CSTF3: variants seen among roughly 807,000 people sequenced by gnomAD.
CSTF3 encodes CF-1 77 kDa subunit.
A neutral mutation model predicts 105.8 loss-of-function variants in CSTF3; 29 were observed. That is an observed-to-expected ratio of 0.27 (90% CI 0.20 to 0.37). CSTF3 has a LOEUF of 0.37. Ranked by LOEUF, CSTF3 falls within the 10% of genes least tolerant of loss-of-function variation. The pLI is 1.00. For missense variants in CSTF3, 357 were observed against 879.3 expected (o/e 0.41, Z 7.51); for synonymous variants, 252 against 281.9 (o/e 0.89, Z 1.06).
rs941737410 is a variant in CSTF3 at position 33,156,791 on chromosome 11, A to C, written c.27+4508T>G. ...AGACCAGCCTGGGAAACACAGTGAG[A>C]CCTCGTCTCTACCTAAATAGTAAAT... On this transcript the variant is annotated intron_variant, in intron 1 of 20. Transcript: ENST00000323959. 6.8e-6 allele frequency: 3 copies of C among 443,314 alleles called. No homozygotes were observed. The Admixed American group carries it at 7.6e-5, about 11-fold the overall frequency. 27.5% of individuals were successfully genotyped at this position (443,314 alleles called of 1,614,324 possible).
intron 16 of CSTF3, among the ~76,000 whole-genome samples, chr11:33,091,826 C>T (rs1855172030): frequency 6.6e-6 from 1 of 152,032 alleles, no homozygotes; most frequent in South Asian, 2.1e-4. Flanking sequence ...CTCCAGCTCC[C>T]ACCTCCGCCT....
chr11:33,098,803 CATAA>C (rs747708748), intron 12 of CSTF3, 39 bp from the exon 13 acceptor site: 2 of 1,377,438 alleles, frequency 1.5e-6, no homozygotes, highest in African/African-American at 1.5e-5. Context: ...AACATATGGT[CATAA>C]ATAAGCAGGA....
At position 33,142,006 on chromosome 11, in the gene CSTF3, G is replaced by A. The variant is rs778665213; in HGVS notation, c.28-20C>T. 2.5e-6 allele frequency: 4 copies of A among 1,613,172 alleles called. No homozygotes were observed. Among genetic ancestry groups the A allele is most frequent in the Admixed American group, 3.3e-5 (2 of 59,858 alleles). On this transcript the variant is annotated intron_variant, in intron 1 of 20. Transcript: ENST00000323959. ...AGCTGCCTGGGGAAAAAAAACAACA[G>A]TGAACTAAAGTTACTGTTTTAAAAA...
At chr11:33,091,576 G>T (rs141731816) in intron 16 of CSTF3, among the ~76,000 whole-genome samples, 2 of 152,162 alleles carry the variant, frequency 1.3e-5, no homozygotes, top group Non-Finnish European at 2.9e-5. Context: ...AGACAAAACC[G>T]TAAGTCAGAG....
intron 8 of CSTF3, among the ~76,000 whole-genome samples, chr11:33,103,627 G>A (rs1447818992): frequency 1.3e-5 from 2 of 152,098 alleles, no homozygotes; most frequent in South Asian, 4.1e-4. Flanking sequence ...AAAATTAGCT[G>A]GGTGTGGTGG....
chr11:33,121,899 C>A (rs1293823775), intron 3 of CSTF3, among the ~76,000 whole-genome samples: 1 of 152,146 alleles, frequency 6.6e-6, no homozygotes, highest in Non-Finnish European at 1.5e-5. Flanking sequence ...AAAGCTGTGA[C>A]ATGTAAGAAA....
intron 1 of CSTF3, among the ~76,000 whole-genome samples, chr11:33,157,784 C>A (rs533532637): frequency 6.6e-6 from 1 of 152,210 alleles, no homozygotes; most frequent in African/African-American, 2.4e-5. Context: ...TAAATCTACA[C>A]CTGCATCTTG....
intron 1 of CSTF3, among the ~76,000 whole-genome samples, chr11:33,150,415 T>C (rs979401584): frequency 6.6e-6 from 1 of 152,122 alleles, no homozygotes; most frequent in African/African-American, 2.4e-5. Flanking sequence ...ATATCATTTT[T>C]CAGGCGATGT....
At chr11:33,105,433 CATT>C in intron 8 of CSTF3, 131 bp downstream of exon 8, 1 of 850,958 alleles carries the variant, frequency 1.2e-6, no homozygotes, top group Non-Finnish European at 1.8e-6. Context: ...CTTGCAAAAA[CATT>C]ATAGTGCTTT....
intron 16 of CSTF3, 137 bp from the exon 17 acceptor site, chr11:33,090,864 CTA>C: frequency 3.8e-6 from 2 of 520,074 alleles, no homozygotes; most frequent in Non-Finnish European, 6.5e-6. Context: ...GATTTTTAGA[CTA>C]TAGAAAAATA....
At chr11:33,154,619 C>G (rs986379830) in intron 1 of CSTF3, among the ~76,000 whole-genome samples, 2 of 151,310 alleles carry the variant, frequency 1.3e-5, no homozygotes, top group Non-Finnish European at 2.9e-5. Context: ...GCCTCAGCCT[C>G]CCAAGTAGCT....
intron 1 of CSTF3, among the ~76,000 whole-genome samples, chr11:33,159,915 G>C (rs549219205): frequency 6.6e-6 from 1 of 152,134 alleles, no homozygotes; most frequent in African/African-American, 2.4e-5. Context: ...ACCTTTGGGA[G>C]AAATTATTTT....
At chr11:33,140,876 T>C (rs566945030) in intron 3 of CSTF3, 21 of 152,168 alleles carry the variant, frequency 1.4e-4, no homozygotes, top group African/African-American at 4.8e-4. Flanking sequence ...TAATTTATAT[T>C]AATAACCTGA....
intron 3 of CSTF3, among the ~76,000 whole-genome samples, chr11:33,108,733 A>G (rs1855350865): frequency 6.6e-6 from 1 of 152,240 alleles, no homozygotes; most frequent in Admixed American, 6.5e-5. Context: ...AATAGGATGT[A>G]TCCACTGAAG....
In CSTF3 at chr11:33,099,278, T is replaced by A; in HGVS notation, c.937-128A>T. 3 of 1,147,018 alleles carry A rather than the reference T, an allele frequency of 2.6e-6. No homozygotes were observed. In the South Asian group the frequency reaches 4.8e-5, roughly 18 times the overall value. The allele number at this position is 1,147,018 out of a possible 1,614,324, so 71.1% of individuals were successfully genotyped here. On this transcript the variant is annotated intron_variant, in intron 11 of 20. Coordinates refer to ENST00000323959, the MANE Select transcript of CSTF3 (RefSeq NM_001326.3). This position sits in a 1 kb window ranked among gnomAD's most constrained non-coding sequence, Gnocchi z 4.1. ...GAAAGCATACATGTATGTACACACATATATATGTATCCACACACACACATA... is the reference window on the plus strand; with the variant it reads ...GAAAGCATACATGTATGTACACACAAATATATGTATCCACACACACACATA...
At chr11:33,131,440 T>C (rs1204558192) in intron 3 of CSTF3, among the ~76,000 whole-genome samples, 2 of 152,200 alleles carry the variant, frequency 1.3e-5, no homozygotes, top group Non-Finnish European at 2.9e-5. Context: ...TATATATTAA[T>C]AGCTATTTCC....
In CSTF3 at chr11:33,118,028, A is replaced by G. The variant is rs550875415; in HGVS notation, c.226-9610T>C. ...CACAAAGGAGAGAGTTGGGATTTTT[A>G]AAAAATAACTCAACATTTTCTTTTT... is the stretch of plus-strand genomic sequence containing the variant. On this transcript the variant is annotated intron_variant, in intron 3 of 20. Coordinates refer to ENST00000323959, the MANE Select transcript of CSTF3 (RefSeq NM_001326.3). Among the ~76,000 whole-genome samples the G allele has an allele frequency of 2.2e-4, 34 of 151,864 alleles. No individual in the cohort carries two copies. In the East Asian group the frequency reaches 6.2e-3, roughly 28 times the overall value.
chr11:33,113,628 G>T (rs1229675883), intron 3 of CSTF3, among the ~76,000 whole-genome samples: 1 of 151,850 alleles, frequency 6.6e-6, no homozygotes, highest in Non-Finnish European at 1.5e-5. Context: ...ATTTTACAAA[G>T]ATATGAAAAG....
At chr11:33,095,051 A>G (rs1246637241) in intron 15 of CSTF3, among the ~76,000 whole-genome samples, 1 of 152,136 alleles carries the variant, frequency 6.6e-6, no homozygotes, top group Non-Finnish European at 1.5e-5. Context: ...GGCGCCTGCC[A>G]CCACGCCCAG....
Sources: gnomAD v4.1 joint callset for allele counts (sites outside exome capture counted in the v4.1 genomes callset) on GRCh38, gnomAD v4.1.1 for gene constraint, Gnocchi (gnomAD v3.1) non-coding constraint, MANE v1.5 for transcripts, NCBI Gene and HGNC (gene_info 2026-07-23, HGNC 2026-07-21) for gene names.